The following CELF1 variants were observed in gnomAD, a reference collection of about 807,000 sequenced individuals.
CELF1 encodes the protein 50 kDa nuclear polyadenylated RNA-binding protein.
Under a neutral mutation model 61.8 loss-of-function variants are expected in CELF1, and 10 were observed. That is an observed-to-expected ratio of 0.16 (90% CI 0.10 to 0.27). The LOEUF (loss-of-function observed/expected upper bound fraction) is 0.27, where lower values mean the gene tolerates loss of function less well. CELF1 is among the 10% of genes least tolerant of loss of function. CELF1 has a pLI of 1.00. For synonymous variants in CELF1, 236 were observed against 225.1 expected, an observed-to-expected ratio of 1.05 and a Z score of -0.43; for missense variants, 380 against 639.1, an observed-to-expected ratio of 0.59 and a Z score of 4.37.
chr11:47,540,907 A>G, intron 1 of CELF1, among the ~76,000 whole-genome samples: 1 of 151,376 alleles, frequency 6.6e-6, no homozygotes, highest in East Asian at 2.0e-4. Context: ...CAACAACAAC[A>G]AAACAAAAAA....
At chr11:47,502,673 A>C (rs906241460) in intron 1 of CELF1, among the ~76,000 whole-genome samples, 2 of 152,132 alleles carry the variant, frequency 1.3e-5, no homozygotes, top group African/African-American at 4.8e-5. Context: ...TCTACTAAAA[A>C]TACAAAAAAT....
chr11:47,483,376 G>A (rs2084645789), intron 8 of CELF1, 77 bp downstream of exon 8: 18 of 1,099,084 alleles, frequency 1.6e-5, no homozygotes, highest in Non-Finnish European at 2.4e-5. Context: ...TGCTGCACAT[G>A]CTGCTGGACT....
At chr11:47,527,105 T>C (rs1192789173) in intron 1 of CELF1, among the ~76,000 whole-genome samples, 1 of 150,130 alleles carries the variant, frequency 6.7e-6, no homozygotes, top group Non-Finnish European at 1.5e-5. Context: ...TATCCATTAC[T>C]GAGTACACAG....
rs1411679333 is a variant in CELF1 at position 47,499,573 on chromosome 11, T to A, written c.-50A>T. On this transcript the variant is annotated 5_prime_UTR_variant, in exon 3 of 15. Transcript: ENST00000687097. ...CAATGATATTAACTTGCTGCACTTG[T>A]CTGATCCACAAATACACACAGCTTT... 1 of 1,422,456 alleles carries A rather than the reference T, an allele frequency of 7.0e-7. No homozygotes were observed. The highest frequency in any genetic ancestry group is 9.6e-7 in the Non-Finnish European group (1 of 1,043,808). 88.1% of individuals were successfully genotyped at this position (1,422,456 alleles called of 1,614,324 possible). A position where few individuals can be genotyped will look rare whatever the true frequency, so the allele number is the denominator to read the frequency against.
intron 3 of CELF1, among the ~76,000 whole-genome samples, chr11:47,493,337 C>CT (rs965806670): frequency 4.1e-4 from 13 of 31,604 alleles, no homozygotes; most frequent in Non-Finnish European, 1.8e-4. Flanking sequence ...CCCGTCCCTA[C>CT]TTAAAAAAAA....
intron 6 of CELF1, among the ~76,000 whole-genome samples, chr11:47,485,416 C>T (rs185737731): frequency 8.9e-4 from 135 of 152,294 alleles, no homozygotes; most frequent in African/African-American, 3.1e-3. Context: ...CGCAATCCTC[C>T]GGCCTCAGCC....
intron 3 of CELF1, among the ~76,000 whole-genome samples, chr11:47,493,448 C>T (rs1158878171): frequency 1.4e-5 from 2 of 141,506 alleles, no homozygotes; most frequent in Non-Finnish European, 3.0e-5. Flanking sequence ...GCGGAGACTA[C>T]AGTGAGCCGA....
chr11:47,487,140 C>G lies in CELF1; in HGVS notation c.342+19G>C. On this transcript the variant is annotated intron_variant, in intron 5 of 14. Transcript: ENST00000687097. ...ATCAAAGTTACCACATTTCCATTTA[C>G]TAGTGGGAGCTTTCTTACCCCTGGG... The G allele has an allele frequency of 6.4e-7, 1 of 1,573,924 alleles. No individual in the cohort carries two copies. The highest frequency in any genetic ancestry group is 1.7e-5 in the Admixed American group (1 of 59,490).
At chr11:47,554,760 C>G (rs949370495), upstream of CELF1, among the ~76,000 whole-genome samples, 1 of 151,202 alleles carries the variant, frequency 6.6e-6, no homozygotes. Flanking sequence ...CTCCCAGGTT[C>G]AAGCAATTCT....
At chr11:47,501,580 C>T (rs2093903631) in intron 1 of CELF1, among the ~76,000 whole-genome samples, 1 of 152,086 alleles carries the variant, frequency 6.6e-6, no homozygotes, top group African/African-American at 2.4e-5. Flanking sequence ...TTTGGGAGGC[C>T]AAGGCGGGCG....
chr11:47,487,102 G>T, intron 5 of CELF1, 57 bp downstream of exon 5: 1 of 1,300,008 alleles, frequency 7.7e-7, no homozygotes, highest in Non-Finnish European at 1.1e-6. Context: ...ATATGTGTAA[G>T]TATATCCCAC....
intron 3 of CELF1, among the ~76,000 whole-genome samples, chr11:47,493,756 A>G (rs1299584750): frequency 6.6e-6 from 1 of 152,148 alleles, no homozygotes; most frequent in African/African-American, 2.4e-5. Context: ...CCCTTAACAC[A>G]GCTTGAGAAG....
chr11:47,478,855 T>G, intron 10 of CELF1, 22 bp downstream of exon 10: 1 of 1,592,964 alleles, frequency 6.3e-7, no homozygotes, highest in Non-Finnish European at 8.6e-7. Context: ...CTGCTGCTCC[T>G]CTGCAGCAGT....
At chr11:47,486,649 C>G (rs1162179387) in intron 6 of CELF1, 101 bp downstream of exon 6, 1 of 900,624 alleles carries the variant, frequency 1.1e-6, no homozygotes, top group African/African-American at 1.6e-5. Flanking sequence ...CTCAAGCAAT[C>G]CATCTGTCTT....
chr11:47,551,096 A>G (rs2097126789), intron 1 of CELF1, among the ~76,000 whole-genome samples: 1 of 151,974 alleles, frequency 6.6e-6, no homozygotes, highest in African/African-American at 2.4e-5. Flanking sequence ...TAGGGCCCTC[A>G]GTTTCCTCAT....
intron 1 of CELF1, among the ~76,000 whole-genome samples, chr11:47,545,870 CGT>C (rs71042682): frequency 1.3e-4 from 12 of 91,798 alleles, no homozygotes; most frequent in African/African-American, 4.6e-4. Context: ...TGTGTGTCTG[CGT>C]GTGTGTGTGT....
At chr11:47,484,596 G>T in intron 6 of CELF1, 73 bp from the exon 7 acceptor site, 1 of 1,348,532 alleles carries the variant, frequency 7.4e-7, no homozygotes, top group South Asian at 1.3e-5. Flanking sequence ...TTGGGAGCCA[G>T]ACCGCCTGGG....
intron 1 of CELF1, among the ~76,000 whole-genome samples, chr11:47,519,047 C>T (rs2095710559): frequency 6.6e-6 from 1 of 152,206 alleles, no homozygotes; most frequent in Non-Finnish European, 1.5e-5. Flanking sequence ...TCTGTAGAGA[C>T]ACTTCCTGAG....
At chr11:47,547,319 AGAG>A (rs1354239075) in intron 1 of CELF1, among the ~76,000 whole-genome samples, 5 of 152,120 alleles carry the variant, frequency 3.3e-5, no homozygotes, top group African/African-American at 1.2e-4. Flanking sequence ...GAACTCCAAG[AGAG>A]GAGAAGATAG....
Sources: gnomAD v4.1 joint callset for allele counts (sites outside exome capture counted in the v4.1 genomes callset) on GRCh38, gnomAD v4.1.1 for gene constraint, MANE v1.5 for transcripts, NCBI Gene and HGNC (gene_info 2026-07-23, HGNC 2026-07-21) for gene names.